Variants in FAM169A observed in about 807,000 individuals in gnomAD.
The protein encoded by FAM169A is soluble lamin-associated protein of 75 kDa.
A neutral mutation model predicts 75.7 loss-of-function variants in FAM169A; 24 were observed. The observed-to-expected ratio is 0.32, with a 90% confidence interval of 0.23 to 0.45. FAM169A has a LOEUF of 0.45. FAM169A is among the 20% of genes least tolerant of loss of function. FAM169A has a pLI of 1.00. For missense variants in FAM169A, 673 were observed against 784.0 expected, an observed-to-expected ratio of 0.86 and a Z score of 1.69; for synonymous variants, 271 against 271.0, an observed-to-expected ratio of 1.00 and a Z score of 0.00.
chr5:74,797,948 G>A (rs529285910), intron 10 of FAM169A, among the ~76,000 whole-genome samples: 1 of 152,166 alleles, frequency 6.6e-6, no homozygotes, highest in South Asian at 2.1e-4. Context: ...AATGAGCATG[G>A]GTGTCTTACA....
intron 10 of FAM169A, 26 bp from the exon 11 acceptor site, chr5:74,796,212 G>T: frequency 6.3e-7 from 1 of 1,582,248 alleles, no homozygotes; most frequent in South Asian, 1.2e-5. Context: ...AAACCATTCT[G>T]ACTTGTTTTA....
chr5:74,826,417 G>A (rs1214367705), intron 5 of FAM169A, among the ~76,000 whole-genome samples: 1 of 152,162 alleles, frequency 6.6e-6, no homozygotes, highest in Non-Finnish European at 1.5e-5. Flanking sequence ...GGATGATATG[G>A]CTGGAGCCTT....
intron 1 of FAM169A, among the ~76,000 whole-genome samples, chr5:74,850,737 A>G (rs1749399307): frequency 6.6e-6 from 1 of 152,246 alleles, no homozygotes; most frequent in Non-Finnish European, 1.5e-5. Context: ...TCAGAGGCAA[A>G]TTATAACCAG....
chr5:74,799,811 C>T, intron 10 of FAM169A: 1 of 1,083,558 alleles, frequency 9.2e-7, no homozygotes, highest in Non-Finnish European at 1.4e-6. Flanking sequence ...TGCTCTTGAA[C>T]TACGATGACC....
chr5:74,857,108 C>CAAAAAAAAAAAAAAAAAAAAAA (rs772315121), intron 1 of FAM169A, among the ~76,000 whole-genome samples: 1 of 67,914 alleles, frequency 1.5e-5, no homozygotes, highest in African/African-American at 5.6e-5. Context: ...GACTCCACCT[C>CAAAAAAAAAAAAAAAAAAAAAA]AAAAAAAAAA....
chr5:74,851,300 A>C (rs1295137781), intron 1 of FAM169A, among the ~76,000 whole-genome samples: 1 of 152,142 alleles, frequency 6.6e-6, no homozygotes, highest in African/African-American at 2.4e-5. Flanking sequence ...TGATAGGCAA[A>C]ATTTGGGTTA....
At chr5:74,866,389 G>C, upstream of FAM169A, 11 of 983,692 alleles carry the variant, frequency 1.1e-5, no homozygotes, top group Non-Finnish European at 1.3e-5. Context: ...TGACGCACTA[G>C]CGCCGCAGCG....
intron 6 of FAM169A, among the ~76,000 whole-genome samples, chr5:74,809,354 G>A (rs1000067812): frequency 4.6e-5 from 7 of 152,134 alleles, no homozygotes; most frequent in African/African-American, 1.7e-4. Context: ...CAGCACTTTG[G>A]GAGGCCGAGG....
At chr5:74,849,298 T>G (rs1243483092) in intron 1 of FAM169A, among the ~76,000 whole-genome samples, 1 of 152,104 alleles carries the variant, frequency 6.6e-6, no homozygotes, top group Non-Finnish European at 1.5e-5. Context: ...GAAAACAAAT[T>G]TATATTATTG....
intron 6 of FAM169A, among the ~76,000 whole-genome samples, chr5:74,806,208 A>C (rs1193235606): frequency 6.6e-6 from 1 of 152,138 alleles, no homozygotes; most frequent in Non-Finnish European, 1.5e-5. Context: ...AACAAACAAA[A>C]AATCCACAAA....
chr5:74,831,083 G>A (rs1251486433), intron 5 of FAM169A, among the ~76,000 whole-genome samples: 1 of 152,070 alleles, frequency 6.6e-6, no homozygotes, highest in African/African-American at 2.4e-5. Flanking sequence ...CTGAGACCAA[G>A]GATTTCTGCC....
intron 11 of FAM169A, among the ~76,000 whole-genome samples, chr5:74,784,899 A>G (rs1227542896): frequency 2.0e-5 from 3 of 148,976 alleles, no homozygotes; most frequent in Non-Finnish European, 4.4e-5. Flanking sequence ...AGCCTGAGCA[A>G]CAGAGCAAGA....
intron 10 of FAM169A, chr5:74,799,365 C>A (rs1277980855): frequency 1.9e-6 from 3 of 1,611,736 alleles, no homozygotes; most frequent in Non-Finnish European, 2.5e-6. Flanking sequence ...CAGTTTGTTA[C>A]TTTGAGTCTG....
At chr5:74,784,693 C>T (rs1296920980) in intron 11 of FAM169A, among the ~76,000 whole-genome samples, 126 of 145,278 alleles carry the variant, frequency 8.7e-4, no homozygotes, top group Admixed American at 8.4e-3. Context: ...CCGAGGCGGG[C>T]GGATCACAAG....
intron 6 of FAM169A, among the ~76,000 whole-genome samples, chr5:74,812,883 A>T (rs1333953876): frequency 6.6e-6 from 1 of 152,246 alleles, no homozygotes; most frequent in Admixed American, 6.5e-5. Context: ...GAAGATGTGG[A>T]GAAATTGTAA....
chr5:74,793,207 C>G (rs1228009172), intron 11 of FAM169A, among the ~76,000 whole-genome samples: 1 of 152,034 alleles, frequency 6.6e-6, no homozygotes, highest in Non-Finnish European at 1.5e-5. Flanking sequence ...TGCCTGTAAT[C>G]CCAGCTACTT....
intron 6 of FAM169A, among the ~76,000 whole-genome samples, chr5:74,808,147 A>G (rs1209203342): frequency 9.9e-5 from 15 of 152,260 alleles, no homozygotes; most frequent in Admixed American, 9.8e-4. Context: ...ATGAAAGCAG[A>G]GACTCAAACA....
chr5:74,866,264 G>C lies in FAM169A; in HGVS notation c.-103C>G, dbSNP rs1330430535. 1.0e-6 allele frequency: 1 copy of C among 983,926 alleles called. No individual in the cohort carries two copies. The highest frequency in any genetic ancestry group is 1.8e-5 in the African/African-American group (1 of 57,128). The allele number at this position is 983,926 out of a possible 1,614,324, so 60.9% of individuals were successfully genotyped here. Reference sequence around the variant, plus strand: ...GCTGCTCGCTGGCGACCTCCGGCCGGTCCCAGGCCGCACAGCTCGCGGCTG... The same window carrying C: ...GCTGCTCGCTGGCGACCTCCGGCCGCTCCCAGGCCGCACAGCTCGCGGCTG... On this transcript the variant is annotated 5_prime_UTR_variant, in exon 1 of 13. Coordinates refer to ENST00000687041, the MANE Select transcript of FAM169A (RefSeq NM_001376049.1).
At chr5:74,860,896 A>G (rs967613575) in intron 1 of FAM169A, among the ~76,000 whole-genome samples, 1 of 151,038 alleles carries the variant, frequency 6.6e-6, no homozygotes, top group African/African-American at 2.4e-5. Context: ...CCAGAACTTT[A>G]GGAAGTCGAG....
Sources: gnomAD v4.1 joint callset for allele counts (sites outside exome capture counted in the v4.1 genomes callset) on GRCh38, gnomAD v4.1.1 for gene constraint, MANE v1.5 for transcripts, NCBI Gene and HGNC (gene_info 2026-07-23, HGNC 2026-07-21) for gene names.